Variants in GPC5 observed in about 807,000 individuals in gnomAD.
GPC5 encodes glypican 5.
A neutral mutation model predicts 53.9 loss-of-function variants in GPC5; 47 were observed. The ratio of observed to expected loss-of-function variants is 0.87; its 90% CI spans 0.69 to 1.11. The LOEUF is 1.11. GPC5 is among the 50% of genes most tolerant of loss of function. The probability of loss-of-function intolerance (pLI) is 0.00; values close to 1 mark genes in which losing one functional copy is unlikely to be tolerated. For synonymous variants in GPC5, 286 were observed against 263.3 expected (o/e 1.09, Z -0.84); for missense variants, 748 against 713.1 (o/e 1.05, Z -0.56).
intron 7 of GPC5, among the ~76,000 whole-genome samples, chr13:92,600,341 G>A (rs35459828): frequency 0.16 from 24,824 of 152,044 alleles, 2,495 homozygotes; most frequent in Non-Finnish European, 0.23. Flanking sequence ...ACTTTCTTAA[G>A]GGCACAGCAA....
chr13:92,769,577 G>C (rs929334222), intron 7 of GPC5, among the ~76,000 whole-genome samples: 1 of 151,910 alleles, frequency 6.6e-6, no homozygotes, highest in African/African-American at 2.4e-5. Flanking sequence ...CCTCACCCCT[G>C]TCTCTATTTT....
chr13:92,153,175 T>G (rs1432446090), intron 7 of GPC5, among the ~76,000 whole-genome samples: 2 of 152,264 alleles, frequency 1.3e-5, no homozygotes, highest in African/African-American at 2.4e-5. Flanking sequence ...CTCTGTCACC[T>G]AGGCTGGAGT....
At chr13:92,656,384 A>G (rs939636988) in intron 7 of GPC5, among the ~76,000 whole-genome samples, 3 of 152,152 alleles carry the variant, frequency 2.0e-5, no homozygotes, top group African/African-American at 7.2e-5. Flanking sequence ...ATTGGGGTAG[A>G]GATGTGAAGG....
intron 6 of GPC5, among the ~76,000 whole-genome samples, chr13:91,931,971 A>G (rs1168856125): frequency 6.6e-6 from 1 of 152,024 alleles, no homozygotes; most frequent in Admixed American, 6.6e-5. Flanking sequence ...ATAACATGCT[A>G]TAAACACTTA....
At chr13:91,718,363 G>A (rs1389802812) in intron 3 of GPC5, among the ~76,000 whole-genome samples, 9 of 151,630 alleles carry the variant, frequency 5.9e-5, no homozygotes, top group Non-Finnish European at 1.3e-4. Flanking sequence ...ACCCGCTTTG[G>A]CCTCCCAAAG....
At chr13:92,382,131 T>A (rs988289610) in intron 7 of GPC5, among the ~76,000 whole-genome samples, 4 of 151,452 alleles carry the variant, frequency 2.6e-5, no homozygotes, top group African/African-American at 9.7e-5. Flanking sequence ...AAACCAAACA[T>A]CATATGTTCT....
chr13:92,199,769 T>C (rs2042281487), intron 7 of GPC5, among the ~76,000 whole-genome samples: 1 of 152,186 alleles, frequency 6.6e-6, no homozygotes. Context: ...GAAGTTTTAT[T>C]TTAAAATTCA....
At chr13:92,662,562 G>A (rs9301829) in intron 7 of GPC5, among the ~76,000 whole-genome samples, 2 of 151,954 alleles carry the variant, frequency 1.3e-5, no homozygotes, top group African/African-American at 2.4e-5. Flanking sequence ...CATTTGTCCC[G>A]CCAGCCAGCC....
intron 2 of GPC5, among the ~76,000 whole-genome samples, chr13:91,589,742 G>T (rs898596630): frequency 6.6e-6 from 1 of 152,074 alleles, no homozygotes; most frequent in African/African-American, 2.4e-5. Flanking sequence ...CTGAGTGTCT[G>T]GGTGGCCATG....
intron 7 of GPC5, among the ~76,000 whole-genome samples, chr13:92,572,095 A>C (rs1437924717): frequency 6.6e-6 from 1 of 152,208 alleles, no homozygotes; most frequent in Non-Finnish European, 1.5e-5. Flanking sequence ...AATCTACTTC[A>C]TCTAGATTAA....
intron 5 of GPC5, among the ~76,000 whole-genome samples, chr13:91,789,655 G>A (rs548775991): frequency 5.9e-5 from 9 of 152,154 alleles, no homozygotes; most frequent in Non-Finnish European, 1.0e-4. Context: ...TACAGACAAT[G>A]TAAAGGGCTT....
intron 7 of GPC5, among the ~76,000 whole-genome samples, chr13:92,185,093 C>T (rs970492706): frequency 7.9e-5 from 12 of 152,130 alleles, no homozygotes; most frequent in African/African-American, 2.9e-4. Flanking sequence ...CAGTTAGATG[C>T]ACTGAGTCCC....
chr13:92,341,319 T>C (rs1184663974), intron 7 of GPC5, among the ~76,000 whole-genome samples: 1 of 152,134 alleles, frequency 6.6e-6, no homozygotes, highest in Non-Finnish European at 1.5e-5. Flanking sequence ...CCATCTATAC[T>C]GGGACTAATC....
chr13:92,553,680 T>G (rs576003011), intron 7 of GPC5, among the ~76,000 whole-genome samples: 1 of 152,052 alleles, frequency 6.6e-6, no homozygotes, highest in Admixed American at 6.6e-5. Context: ...GACTCAATCT[T>G]TCTGAGCAAA....
intron 7 of GPC5, among the ~76,000 whole-genome samples, chr13:92,358,722 CAT>C (rs1440166224): frequency 1.3e-5 from 2 of 151,778 alleles, no homozygotes; most frequent in African/African-American, 4.9e-5. Flanking sequence ...TGGCCTGAGA[CAT>C]ATCTGAAGTC....
intron 7 of GPC5, among the ~76,000 whole-genome samples, chr13:92,330,939 T>C (rs767419457): frequency 2.6e-5 from 4 of 152,164 alleles, no homozygotes; most frequent in Non-Finnish European, 4.4e-5. Context: ...CAAACTTGAC[T>C]GATTCTAAAC....
intron 7 of GPC5, among the ~76,000 whole-genome samples, chr13:92,498,858 C>G (rs374963587): frequency 6.6e-6 from 1 of 152,080 alleles, no homozygotes; most frequent in South Asian, 2.1e-4. Context: ...TAGATAAACT[C>G]CTAACAATTC....
chr13:91,440,312 T>C (rs531211363), intron 1 of GPC5, among the ~76,000 whole-genome samples: 58 of 152,328 alleles, frequency 3.8e-4, no homozygotes, highest in Admixed American at 3.3e-3. Flanking sequence ...TTAATCTTTT[T>C]CTCTGTCTTC....
At chr13:92,142,575 G>A (rs4771851) in intron 6 of GPC5, among the ~76,000 whole-genome samples, 12 of 152,034 alleles carry the variant, frequency 7.9e-5, no homozygotes, top group Non-Finnish European at 1.6e-4. Flanking sequence ...ACAAATAAAT[G>A]AATAATTCTG....
Sources: allele counts gnomAD v4.1 joint callset (sites outside exome capture counted in the v4.1 genomes callset), GRCh38; gene constraint gnomAD v4.1.1; transcripts MANE v1.5; gene names NCBI Gene and HGNC (gene_info 2026-07-23, HGNC 2026-07-21).